SEMA5A: variants seen among roughly 807,000 people sequenced by gnomAD.
SEMA5A encodes semaphorin-5A.
A neutral mutation model predicts 135.5 loss-of-function variants in SEMA5A; 55 were observed. The ratio of observed to expected loss-of-function variants is 0.41; its 90% CI spans 0.33 to 0.51. SEMA5A has a LOEUF of 0.51. Among genes scored for constraint, SEMA5A ranks in the 20% least tolerant of loss-of-function variants. SEMA5A has a pLI of 0.37. For missense variants in SEMA5A, 1,290 were observed against 1,419.9 expected, an observed-to-expected ratio of 0.91 and a Z score of 1.47; for synonymous variants, 580 against 546.5, an observed-to-expected ratio of 1.06 and a Z score of -0.85.
chr5:9,245,964 A>T (rs1048862866), intron 5 of SEMA5A, among the ~76,000 whole-genome samples: 17 of 151,834 alleles, frequency 1.1e-4, no homozygotes, highest in African/African-American at 4.1e-4. Flanking sequence ...CCCTGCTGGG[A>T]TGATCTTTTG....
intron 5 of SEMA5A, among the ~76,000 whole-genome samples, chr5:9,297,901 A>T (rs934844529): frequency 6.6e-6 from 1 of 152,092 alleles, no homozygotes; most frequent in Non-Finnish European, 1.5e-5. Flanking sequence ...GTTGTTTACA[A>T]GTTACCCAGC....
intron 5 of SEMA5A, among the ~76,000 whole-genome samples, chr5:9,244,207 T>C (rs1487521667): frequency 6.6e-6 from 1 of 152,250 alleles, no homozygotes; most frequent in Non-Finnish European, 1.5e-5. Flanking sequence ...AGCAATGTCC[T>C]GCTTTCAAAA....
intron 1 of SEMA5A, among the ~76,000 whole-genome samples, chr5:9,439,384 TACA>T (rs1758151011): frequency 6.6e-6 from 1 of 152,236 alleles, no homozygotes. Context: ...AAATCTATTT[TACA>T]ACAATTATTA....
chr5:9,226,831 GAT>G (rs752047272), intron 7 of SEMA5A, 36 bp downstream of exon 7: 4 of 1,494,374 alleles, frequency 2.7e-6, no homozygotes, highest in Non-Finnish European at 3.7e-6. Context: ...TGCCTCTTCT[GAT>G]ATTAAATTCT....
intron 3 of SEMA5A, among the ~76,000 whole-genome samples, chr5:9,346,376 T>C (rs1028797395): frequency 6.6e-6 from 1 of 152,176 alleles, no homozygotes; most frequent in East Asian, 1.9e-4. Flanking sequence ...TTCGCTCATG[T>C]AACCTCATTT....
rs1165384208 is a variant in SEMA5A at position 9,036,382 on chromosome 5, C to G, written c.*6515G>C. 9 of 151,768 alleles carry G rather than the reference C, an allele frequency of 5.9e-5. No homozygotes were observed. Among genetic ancestry groups the G allele is most frequent in the Admixed American group, 5.3e-4 (8 of 15,204 alleles). 9.4% of individuals were successfully genotyped at this position (151,768 alleles called of 1,614,324 possible). A position where few individuals can be genotyped will look rare whatever the true frequency, so the allele number is the denominator to read the frequency against. On this transcript the variant is annotated 3_prime_UTR_variant, in exon 23 of 23. Transcript: ENST00000382496. ...TGATATAAACTTAAAAATAATCAGG[C>G]AATGTTGTAGGTGGTTCTCATTCCA...
rs566601964 is a variant in SEMA5A at position 9,187,203 on chromosome 5, G to C, written c.1273+3064C>G. Reference sequence around the variant, plus strand: ...ATTCAATTCCTTGGACATAAAGACTGTATGTTAAAAAAAAATATCCCTTAA... The same window carrying C: ...ATTCAATTCCTTGGACATAAAGACTCTATGTTAAAAAAAAATATCCCTTAA... On this transcript the variant is annotated intron_variant, in intron 11 of 22. Transcript: ENST00000382496. Among the ~76,000 whole-genome samples, 44 of 151,326 alleles carry C rather than the reference G, an allele frequency of 2.9e-4. 1 individual carries two copies. Among genetic ancestry groups the C allele is most frequent in the Non-Finnish European group, 4.6e-4 (31 of 67,980 alleles).
intron 8 of SEMA5A, 152 bp downstream of exon 8, chr5:9,224,522 T>C: frequency 1.5e-6 from 1 of 679,664 alleles, no homozygotes; most frequent in Non-Finnish European, 2.5e-6. Context: ...TGATATCCTG[T>C]TTATCATTAG....
intron 16 of SEMA5A, among the ~76,000 whole-genome samples, chr5:9,084,265 C>T (rs1738556857): frequency 6.6e-6 from 1 of 152,160 alleles, no homozygotes; most frequent in South Asian, 2.1e-4. Flanking sequence ...TGATGGTGGC[C>T]TTCCCAGAAC....
At chr5:9,332,556 C>T (rs1411024103) in intron 4 of SEMA5A, among the ~76,000 whole-genome samples, 1 of 150,082 alleles carries the variant, frequency 6.7e-6, no homozygotes, top group African/African-American at 2.5e-5. Context: ...GCAAGGCATG[C>T]AGCTATGGGC....
chr5:9,121,808 T>G (rs549268427), intron 14 of SEMA5A, among the ~76,000 whole-genome samples: 1 of 152,324 alleles, frequency 6.6e-6, no homozygotes, highest in East Asian at 1.9e-4. Flanking sequence ...GCACTTTACT[T>G]TCCTGGCCCA....
Position 9,191,442 on chromosome 5 carries a change from A to G in SEMA5A, c.1069-971T>C, listed in dbSNP as rs74334904. The stretch of plus-strand genomic sequence containing the variant: ...TACCAATCCTTCTCATGTCTTTCAT[A>G]AACTTTAATTCCTGGTACAAATGGT... On this transcript the variant is annotated intron_variant, in intron 10 of 22. Coordinates refer to ENST00000382496, the MANE Select transcript of SEMA5A (RefSeq NM_003966.3). 3.3e-4 allele frequency among the ~76,000 whole-genome samples: 50 copies of G among 152,322 alleles called. No homozygotes were observed. The East Asian group carries it at 9.3e-3, about 28-fold the overall frequency.
chr5:9,191,176 A>C (rs1281749357), intron 10 of SEMA5A, among the ~76,000 whole-genome samples: 2 of 152,184 alleles, frequency 1.3e-5, no homozygotes, highest in African/African-American at 4.8e-5. Context: ...AGAGAGTAGA[A>C]AGGAATAAAG....
chr5:9,533,916 C>T (rs1737597129), intron 1 of SEMA5A, among the ~76,000 whole-genome samples: 1 of 152,186 alleles, frequency 6.6e-6, no homozygotes, highest in South Asian at 2.1e-4. Context: ...ATTTGGGCCA[C>T]TGCAATTATC....
At chr5:9,491,674 C>T (rs1216308528) in intron 1 of SEMA5A, among the ~76,000 whole-genome samples, 1 of 151,802 alleles carries the variant, frequency 6.6e-6, no homozygotes, top group Non-Finnish European at 1.5e-5. Context: ...TTACCACTGC[C>T]AAAATAATAT....
chr5:9,180,414 G>A (rs1034960956), intron 11 of SEMA5A, among the ~76,000 whole-genome samples: 1 of 152,102 alleles, frequency 6.6e-6, no homozygotes, highest in Non-Finnish European at 1.5e-5. Context: ...GTTGATGGGA[G>A]CCCCTTACAT....
intron 4 of SEMA5A, among the ~76,000 whole-genome samples, chr5:9,328,988 T>C (rs1752996874): frequency 6.6e-6 from 1 of 152,076 alleles, no homozygotes; most frequent in African/African-American, 2.4e-5. Flanking sequence ...TACTTCCCCC[T>C]CTCTGTCACC....
At chr5:9,046,927 C>T (rs944339461) in intron 21 of SEMA5A, among the ~76,000 whole-genome samples, 1 of 152,190 alleles carries the variant, frequency 6.6e-6, no homozygotes, top group African/African-American at 2.4e-5. Context: ...CACTCACAAC[C>T]ACCTCAACTT....
intron 3 of SEMA5A, among the ~76,000 whole-genome samples, chr5:9,369,894 C>T (rs567392391): frequency 6.6e-6 from 1 of 152,166 alleles, no homozygotes; most frequent in African/African-American, 2.4e-5. Context: ...TCACTTAACC[C>T]ATTCCCTGCC....
Sources: allele counts gnomAD v4.1 joint callset (sites outside exome capture counted in the v4.1 genomes callset), GRCh38; gene constraint gnomAD v4.1.1; transcripts MANE v1.5; gene names NCBI Gene and HGNC (gene_info 2026-07-23, HGNC 2026-07-21).